BMPR1B: variants seen among roughly 807,000 people sequenced by gnomAD.
BMPR1B encodes bone morphogenetic protein receptor type 1B.
In BMPR1B, 12 loss-of-function variants were observed where a neutral mutation model predicts 59.1. The ratio of observed to expected loss-of-function variants is 0.20; its 90% CI spans 0.13 to 0.33. BMPR1B has a LOEUF of 0.33. BMPR1B is among the 10% of genes least tolerant of loss of function. The pLI is 1.00. For synonymous variants in BMPR1B, 237 were observed against 207.3 expected (o/e 1.14, Z -1.23); for missense variants, 550 against 610.9 (o/e 0.90, Z 1.05).
intron 1 of BMPR1B, among the ~76,000 whole-genome samples, chr4:94,795,907 G>C (rs978113875): frequency 6.6e-6 from 1 of 151,860 alleles, no homozygotes; most frequent in Non-Finnish European, 1.5e-5. Context: ...TAAAAGTGGT[G>C]ATATCTGGCA....
chr4:95,153,876 C>T (rs1447045983), intron 12 of BMPR1B, among the ~76,000 whole-genome samples: 2 of 152,062 alleles, frequency 1.3e-5, no homozygotes, highest in Non-Finnish European at 2.9e-5. Flanking sequence ...AACAAAAACA[C>T]CTTTGGCTCA....
chr4:94,865,314 A>C (rs1163592383), intron 1 of BMPR1B, among the ~76,000 whole-genome samples: 1 of 151,570 alleles, frequency 6.6e-6, no homozygotes, highest in Admixed American at 6.6e-5. Flanking sequence ...ATTCAGAAAA[A>C]ATAAATGTAT....
At position 95,144,195 on chromosome 4, in the gene BMPR1B, G is replaced by A. The variant is rs529214098; in HGVS notation, c.1077-4553G>A. On this transcript the variant is annotated intron_variant, in intron 10 of 12. Coordinates refer to ENST00000515059, the MANE Select transcript of BMPR1B (RefSeq NM_001203.3). ...CCCTAAATGTTTATTGATTTTTTGA[G>A]ATGAGGTCTCCCTCTGTTGCCCAGG... 8.5e-5 allele frequency among the ~76,000 whole-genome samples: 13 copies of A among 152,118 alleles called. No individual in the cohort carries two copies. In the South Asian group the frequency reaches 2.5e-3, roughly 29 times the overall value.
At chr4:94,848,849 T>G (rs13103743) in intron 1 of BMPR1B, among the ~76,000 whole-genome samples, 10,307 of 152,120 alleles carry the variant, frequency 0.068, 373 homozygotes, top group African/African-American at 0.1. Context: ...TTTATTTAGA[T>G]GTAGTAGATA....
chr4:94,832,908 T>C, intron 1 of BMPR1B, among the ~76,000 whole-genome samples: 1 of 152,006 alleles, frequency 6.6e-6, no homozygotes, highest in Non-Finnish European at 1.5e-5. Context: ...GTTGTTTCCT[T>C]ATCTTTAAAA....
chr4:94,783,994 G>A lies in BMPR1B; in HGVS notation c.-183+25926G>A, dbSNP rs888004736. ...CTGGAGGTAGGGAAGGAGGGGATAT[G>A]TTATGCTCAGAGACCATAGACTCTC... On this transcript the variant is annotated intron_variant, in intron 1 of 12. Coordinates refer to ENST00000515059, the MANE Select transcript of BMPR1B (RefSeq NM_001203.3). 4.6e-5 allele frequency among the ~76,000 whole-genome samples: 7 copies of A among 152,160 alleles called. No homozygotes were observed. In the South Asian group the frequency reaches 1.4e-3, roughly 32 times the overall value.
intron 10 of BMPR1B, among the ~76,000 whole-genome samples, chr4:95,138,896 GAAGCCTTCTTCTCTCAACTCGTCAA>G (rs1734004907): frequency 6.6e-6 from 1 of 152,214 alleles, no homozygotes; most frequent in African/African-American, 2.4e-5. Flanking sequence ...CCGATTGTCT[GAAGCCTTCTTCTCTCAACTCGTCAA>G]AGTCATTCTC....
At chr4:94,789,668 G>A (rs7665643) in intron 1 of BMPR1B, among the ~76,000 whole-genome samples, 6,523 of 152,178 alleles carry the variant, frequency 0.043, 363 homozygotes, top group African/African-American at 0.13. Flanking sequence ...TTAAACTGAT[G>A]TATAATATAA....
At chr4:94,881,862 A>G (rs1427836527) in intron 2 of BMPR1B, among the ~76,000 whole-genome samples, 3 of 152,204 alleles carry the variant, frequency 2.0e-5, no homozygotes, top group Admixed American at 2.0e-4. Context: ...TAGCTCTAAA[A>G]ATAATCTTTG....
intron 3 of BMPR1B, among the ~76,000 whole-genome samples, chr4:95,065,723 T>A (rs1220509932): frequency 1.3e-5 from 2 of 152,092 alleles, no homozygotes; most frequent in African/African-American, 4.8e-5. Flanking sequence ...CCCTTTCAGC[T>A]TGAAACATGG....
At chr4:94,947,249 A>AC (rs1729752043) in intron 2 of BMPR1B, among the ~76,000 whole-genome samples, 1 of 152,218 alleles carries the variant, frequency 6.6e-6, no homozygotes, top group Non-Finnish European at 1.5e-5. Context: ...TCCAAGGACA[A>AC]CCATCCGTGA....
At chr4:94,979,378 C>T (rs745375294) in intron 2 of BMPR1B, among the ~76,000 whole-genome samples, 4 of 152,060 alleles carry the variant, frequency 2.6e-5, no homozygotes, top group Non-Finnish European at 5.9e-5. Flanking sequence ...TTGTTTTCAT[C>T]CTCAAGTTTT....
intron 1 of BMPR1B, among the ~76,000 whole-genome samples, chr4:94,792,369 A>G (rs1723017582): frequency 6.6e-6 from 1 of 152,096 alleles, no homozygotes; most frequent in Non-Finnish European, 1.5e-5. Context: ...TTTGTCAGTT[A>G]TTAGATGGCT....
chr4:95,050,846 G>C (rs1476944177), intron 3 of BMPR1B, among the ~76,000 whole-genome samples: 1 of 151,890 alleles, frequency 6.6e-6, no homozygotes, highest in East Asian at 1.9e-4. Context: ...ACAGTTCTTA[G>C]AGTAAAACAA....
intron 3 of BMPR1B, among the ~76,000 whole-genome samples, chr4:95,051,934 T>A (rs1726535873): frequency 6.6e-6 from 1 of 150,726 alleles, no homozygotes; most frequent in Admixed American, 6.6e-5. Context: ...ACTTTCTCTA[T>A]TATGGCAAGG....
intron 2 of BMPR1B, among the ~76,000 whole-genome samples, chr4:94,964,754 C>T (rs1560570513): frequency 6.6e-6 from 1 of 152,036 alleles, no homozygotes; most frequent in South Asian, 2.1e-4. Flanking sequence ...TTCATCAGGC[C>T]CTGCCTGTAG....
At chr4:94,809,589 A>G (rs1411305142) in intron 1 of BMPR1B, among the ~76,000 whole-genome samples, 2 of 152,176 alleles carry the variant, frequency 1.3e-5, no homozygotes, top group African/African-American at 2.4e-5. Context: ...AAATATTCTC[A>G]TTAAGTGCTT....
At chr4:94,898,876 T>A (rs1727691350) in intron 2 of BMPR1B, among the ~76,000 whole-genome samples, 1 of 152,046 alleles carries the variant, frequency 6.6e-6, no homozygotes, top group Admixed American at 6.6e-5. Flanking sequence ...AGGTAATAGC[T>A]TGTATAGTTG....
At chr4:94,961,426 AT>A (rs1260433236) in intron 2 of BMPR1B, among the ~76,000 whole-genome samples, 4 of 152,112 alleles carry the variant, frequency 2.6e-5, no homozygotes, top group Admixed American at 1.3e-4. Flanking sequence ...CTATTCACTG[AT>A]TTCATTTGTC....
Sources: allele counts gnomAD v4.1 joint callset (sites outside exome capture counted in the v4.1 genomes callset), GRCh38; gene constraint gnomAD v4.1.1; transcripts MANE v1.5; gene names NCBI Gene and HGNC (gene_info 2026-07-23, HGNC 2026-07-21).